PRKN: variants seen among roughly 807,000 people sequenced by gnomAD.
PRKN encodes the protein E3 ubiquitin-protein ligase parkin.
In PRKN, 56 loss-of-function variants were observed where a neutral mutation model predicts 59.5. The ratio of observed to expected loss-of-function variants is 0.94; its 90% CI spans 0.76 to 1.18. The LOEUF (loss-of-function observed/expected upper bound fraction) is 1.18. PRKN is among the 50% of genes most tolerant of loss of function. The pLI, the probability that PRKN is intolerant of heterozygous loss-of-function variation, is 0.00. For missense variants in PRKN, 657 were observed against 596.4 expected (o/e 1.10, Z -1.06); for synonymous variants, 250 against 222.1 (o/e 1.13, Z -1.12).
At position 161,658,735 on chromosome 6, in the gene PRKN, A is replaced by G. The variant is rs191969859; in HGVS notation, c.872-89319T>C. ...TTTAAAAAAATTCACTGAGGAAGGGAATGCGATATTCTATGATACTCACAG... is the reference window on the plus strand; with the variant it reads ...TTTAAAAAAATTCACTGAGGAAGGGGATGCGATATTCTATGATACTCACAG... On this transcript the variant is annotated intron_variant, in intron 7 of 11. Coordinates refer to ENST00000366898, the MANE Select transcript of PRKN (RefSeq NM_004562.3). Among the ~76,000 whole-genome samples the G allele has an allele frequency of 2.1e-3, 324 of 152,322 alleles. 2 individuals carry two copies. Among genetic ancestry groups the G allele is most frequent in the African/African-American group, 7.5e-3 (311 of 41,568 alleles).
At chr6:161,501,698 G>A (rs1032417022) in intron 9 of PRKN, among the ~76,000 whole-genome samples, 2 of 152,118 alleles carry the variant, frequency 1.3e-5, no homozygotes, top group South Asian at 2.1e-4. Context: ...TGTACTCCAC[G>A]CCTCTCAGAT....
intron 7 of PRKN, among the ~76,000 whole-genome samples, chr6:161,680,744 TATATATATATATATATATATATATATATA>T (rs1353981679): frequency 1.6e-3 from 13 of 8,260 alleles, no homozygotes; most frequent in East Asian, 0.016. Context: ...TATATATATA[TATATATATATATATATATATATATATATA>T]TATTTTTTTT....
At chr6:161,899,839 C>G (rs1289598046) in intron 6 of PRKN, among the ~76,000 whole-genome samples, 1 of 152,106 alleles carries the variant, frequency 6.6e-6, no homozygotes, top group African/African-American at 2.4e-5. Context: ...TATGGACAAC[C>G]GGGCCGGGCC....
At chr6:162,036,230 A>C (rs1783838227) in intron 5 of PRKN, among the ~76,000 whole-genome samples, 1 of 151,662 alleles carries the variant, frequency 6.6e-6, no homozygotes, top group Non-Finnish European at 1.5e-5. Flanking sequence ...AGGCTGCGGC[A>C]GGAGAATGGC....
intron 7 of PRKN, among the ~76,000 whole-genome samples, chr6:161,728,552 G>A (rs1192703453): frequency 2.0e-5 from 3 of 152,104 alleles, no homozygotes; most frequent in Non-Finnish European, 4.4e-5. Context: ...ACAAATTTGG[G>A]GGGAAAATAT....
chr6:162,050,506 T>C lies in PRKN; in HGVS notation c.618+3585A>G, dbSNP rs553570114. On this transcript the variant is annotated intron_variant, in intron 5 of 11. Coordinates refer to ENST00000366898, the MANE Select transcript of PRKN (RefSeq NM_004562.3). ...TTTCATCTCTCAATTTGGCATTTTG[T>C]ATTTCAGTTCTATCCCTTGAATGGT... Among the ~76,000 whole-genome samples, 37 of 152,034 alleles carry C rather than the reference T, an allele frequency of 2.4e-4. No individual in the cohort carries two copies. In the South Asian group the frequency reaches 5.2e-3, roughly 21 times the overall value.
chr6:161,624,603 A>G (rs1447173966), intron 7 of PRKN, among the ~76,000 whole-genome samples: 1 of 152,244 alleles, frequency 6.6e-6, no homozygotes, highest in East Asian at 1.9e-4. Context: ...CTTATGATCA[A>G]TCATGCAAGG....
chr6:161,479,271 ACTAT>A (rs765550826), intron 9 of PRKN, among the ~76,000 whole-genome samples: 77 of 152,316 alleles, frequency 5.1e-4, no homozygotes, highest in Non-Finnish European at 8.7e-4. Context: ...TTCATAAAAC[ACTAT>A]CTACGCATTC....
chr6:161,645,810 C>A, intron 7 of PRKN, among the ~76,000 whole-genome samples: 1 of 152,236 alleles, frequency 6.6e-6, no homozygotes, highest in East Asian at 1.9e-4. Context: ...CAGATGAAAT[C>A]ATGCCAACAT....
chr6:161,531,404 G>C (rs369418038), intron 9 of PRKN, among the ~76,000 whole-genome samples: 56 of 150,618 alleles, frequency 3.7e-4, no homozygotes, highest in Non-Finnish European at 5.3e-4. Flanking sequence ...AAAATTAATT[G>C]TGCGAACGCC....
chr6:162,367,466 G>A (rs974890560), intron 2 of PRKN, among the ~76,000 whole-genome samples: 1 of 152,050 alleles, frequency 6.6e-6, no homozygotes, highest in African/African-American at 2.4e-5. Context: ...TATTTTAATG[G>A]TTCCTATTGT....
At chr6:162,607,434 G>T (rs1199102777) in intron 1 of PRKN, among the ~76,000 whole-genome samples, 3 of 152,110 alleles carry the variant, frequency 2.0e-5, no homozygotes, top group Non-Finnish European at 4.4e-5. Context: ...ATTAGGTGGA[G>T]ACAAAGCAAG....
chr6:162,482,564 A>G (rs1169554703), intron 1 of PRKN, among the ~76,000 whole-genome samples: 1 of 152,234 alleles, frequency 6.6e-6, no homozygotes, highest in Non-Finnish European at 1.5e-5. Context: ...AAATATTCAC[A>G]ATATTGGAAT....
intron 2 of PRKN, among the ~76,000 whole-genome samples, chr6:162,303,164 T>C (rs1782044382): frequency 6.6e-6 from 1 of 152,182 alleles, no homozygotes; most frequent in Admixed American, 6.5e-5. Context: ...GCAATAGTTA[T>C]TAAATAGTGA....
Position 162,518,938 on chromosome 6 carries a change from G to A in PRKN, c.8-75465C>T, listed in dbSNP as rs145251372. Among the ~76,000 whole-genome samples the A allele has an allele frequency of 5.3e-5, 8 of 152,230 alleles. No homozygotes were observed. The East Asian group carries it at 1.5e-3, about 29-fold the overall frequency. ...GTTTTAAATTCTGCCTTCATAGCAT[G>A]GACTTTCAGCTATGCCTCATTTAAA... On this transcript the variant is annotated intron_variant, in intron 1 of 11. Coordinates refer to ENST00000366898, the MANE Select transcript of PRKN (RefSeq NM_004562.3).
At chr6:161,411,964 TCCTC>T (rs1313041166) in intron 9 of PRKN, among the ~76,000 whole-genome samples, 1 of 138,866 alleles carries the variant, frequency 7.2e-6, no homozygotes, top group Non-Finnish European at 1.5e-5. Flanking sequence ...ATTCATTCCT[TCCTC>T]ACCCATTCCT....
chr6:162,158,533 G>A (rs1328479344), intron 4 of PRKN, among the ~76,000 whole-genome samples: 1 of 151,614 alleles, frequency 6.6e-6, no homozygotes, highest in Non-Finnish European at 1.5e-5. Context: ...CCGGGTTTAA[G>A]CAATTCTCCT....
At chr6:161,759,174 A>T (rs200998511) in intron 7 of PRKN, among the ~76,000 whole-genome samples, 3 of 2,890 alleles carry the variant, frequency 1.0e-3, no homozygotes, top group African/African-American at 1.8e-3. Context: ...AGACTGTTTA[A>T]AAAAAAAAAA....
chr6:162,646,944 T>C (rs546378768), intron 1 of PRKN, among the ~76,000 whole-genome samples: 56 of 152,284 alleles, frequency 3.7e-4, no homozygotes, highest in African/African-American at 1.3e-3. Flanking sequence ...CATTATTATG[T>C]GGCACATGAT....
Sources: allele counts gnomAD v4.1 joint callset (sites outside exome capture counted in the v4.1 genomes callset), GRCh38; gene constraint gnomAD v4.1.1; transcripts MANE v1.5; gene names NCBI Gene and HGNC (gene_info 2026-07-23, HGNC 2026-07-21).